The following MAGT1 variants were observed in gnomAD, a reference collection of about 807,000 sequenced individuals.
MAGT1 encodes magnesium transporter 1.
In MAGT1, 4 loss-of-function variants were observed where a neutral mutation model predicts 28.4. That is an observed-to-expected ratio of 0.14 (90% CI 0.07 to 0.32). The LOEUF is 0.32. Ranked by LOEUF, MAGT1 falls within the 10% of genes least tolerant of loss-of-function variation. The pLI, the probability that MAGT1 is intolerant of heterozygous loss-of-function variation, is 1.00. For synonymous variants in MAGT1, 89 were observed against 89.7 expected (o/e 0.99, Z 0.04); for missense variants, 193 against 264.5 (o/e 0.73, Z 1.88).
chrX:77,894,134 G>A (rs1441756982), intron 1 of MAGT1, among the ~76,000 whole-genome samples: 2 of 111,668 alleles, frequency 1.8e-5, no homozygotes, highest in East Asian at 2.8e-4. Context: ...ATAAAATTAT[G>A]CATTGCTCTG....
At chrX:77,843,712 T>A (rs1293818341) in intron 7 of MAGT1, among the ~76,000 whole-genome samples, 2 of 111,769 alleles carry the variant, frequency 1.8e-5, no homozygotes, top group East Asian at 5.6e-4. Context: ...TACTTTAAGT[T>A]TTAGGGTACA....
At chrX:77,852,778 T>C (rs782507093) in intron 7 of MAGT1, among the ~76,000 whole-genome samples, 115 of 110,209 alleles carry the variant, frequency 1.0e-3, no homozygotes, top group Non-Finnish European at 8.7e-4. Context: ...TGTATTTTTT[T>C]GTAGAGATGG....
intron 1 of MAGT1, among the ~76,000 whole-genome samples, chrX:77,887,362 T>C (rs1282348966): frequency 3.6e-5 from 4 of 111,891 alleles, no homozygotes; most frequent in African/African-American, 1.3e-4. Context: ...CTTCCCAAAG[T>C]GTTGGGATTA....
chrX:77,842,325 T>C (rs1284999787), intron 7 of MAGT1, among the ~76,000 whole-genome samples: 1 of 108,972 alleles, frequency 9.2e-6, no homozygotes, highest in East Asian at 2.9e-4. Flanking sequence ...GCCTGGAAGG[T>C]TGAGGCTGCA....
chrX:77,844,020 T>C lies in MAGT1; in HGVS notation c.827-2700A>G, dbSNP rs181292151. ...TTGATTGGAATAGTTTCAGAAGGAA[T>C]GGTACCAGCTCCTCCTTGTACCTCT... On this transcript the variant is annotated intron_variant, in intron 7 of 9. Transcript: ENST00000618282. Among the ~76,000 whole-genome samples, 265 of 111,850 alleles carry C rather than the reference T, an allele frequency of 2.4e-3. 2 individuals carry two copies. Among genetic ancestry groups the C allele is most frequent in the African/African-American group, 8.1e-3 (251 of 30,816 alleles).
intron 1 of MAGT1, among the ~76,000 whole-genome samples, chrX:77,882,162 C>T (rs1557218529): frequency 8.9e-6 from 1 of 111,806 alleles, no homozygotes; most frequent in Non-Finnish European, 1.9e-5. Context: ...ATAATAAGAG[C>T]TATTTATGAC....
rs1557214770 is a variant in MAGT1 at position 77,845,122 on chromosome X, G to GCATATGAATA, written c.827-3803_827-3802insTATTCATATG. 1.5e-4 allele frequency among the ~76,000 whole-genome samples: 17 copies of GCATATGAATA among 111,386 alleles called. No individual in the cohort carries two copies. The Admixed American group carries it at 1.6e-3, about 11-fold the overall frequency. On this transcript the variant is annotated intron_variant, in intron 7 of 9. Transcript: ENST00000618282. ...CTAAGGACTCGCTTTATGAATCTGG[G>GCATATGAATA]TGCTCCTGTATTGGGTGCATATATA...
chrX:77,887,871 G>A lies in MAGT1; in HGVS notation c.102+7438C>T, dbSNP rs369816479. Among the ~76,000 whole-genome samples the A allele has an allele frequency of 1.4e-4, 16 of 112,052 alleles. 1 individual carries two copies. The South Asian group carries it at 3.7e-3, about 26-fold the overall frequency. On this transcript the variant is annotated intron_variant, in intron 1 of 9. Coordinates refer to ENST00000618282, the MANE Select transcript of MAGT1 (RefSeq NM_001367916.1). ...CACCCAGGCTGGAGTGCAGTGGCAC[G>A]ATCTTGGCTCACTGCAACTTCTGCT...
chrX:77,877,534 C>T (rs1030479075), intron 1 of MAGT1, among the ~76,000 whole-genome samples: 11 of 108,942 alleles, frequency 1.0e-4, no homozygotes, highest in Non-Finnish European at 1.7e-4. Context: ...CTCTCTGGGC[C>T]GGGTGCGGTG....
chrX:77,851,065 G>T (rs2076966431), intron 7 of MAGT1, among the ~76,000 whole-genome samples: 1 of 107,506 alleles, frequency 9.3e-6, no homozygotes, highest in Non-Finnish European at 1.9e-5. Flanking sequence ...CCACCTCCTG[G>T]GTTCAAGCAA....
chrX:77,875,376 T>C, intron 2 of MAGT1, 52 bp downstream of exon 2: 4 of 1,150,492 alleles, frequency 3.5e-6, no homozygotes, highest in Non-Finnish European at 4.8e-6. Context: ...GATTGAGAAA[T>C]GGTTAACGTT....
intron 7 of MAGT1, among the ~76,000 whole-genome samples, chrX:77,846,984 G>A (rs2076953497): frequency 8.9e-6 from 1 of 111,982 alleles, no homozygotes; most frequent in Non-Finnish European, 1.9e-5. Context: ...ATTTAAGTCT[G>A]CAGAGGTTTC....
At chrX:77,870,764 T>C (rs2077018574) in intron 3 of MAGT1, 44 bp downstream of exon 3, 1 of 873,103 alleles carries the variant, frequency 1.1e-6, no homozygotes, top group Non-Finnish European at 1.7e-6. Context: ...ACTTTCACTA[T>C]ATTTTACCTA....
chrX:77,894,337 T>G (rs1381082379), intron 1 of MAGT1, among the ~76,000 whole-genome samples: 1 of 112,347 alleles, frequency 8.9e-6, no homozygotes, highest in Non-Finnish European at 1.9e-5. Context: ...ATGGAATAGT[T>G]CAAATACTTA....
At chrX:77,875,114 C>T (rs996066621) in intron 2 of MAGT1, among the ~76,000 whole-genome samples, 2 of 110,194 alleles carry the variant, frequency 1.8e-5, no homozygotes, top group East Asian at 2.8e-4. Flanking sequence ...CCACCTGCCT[C>T]GACCTCCCAA....
At chrX:77,829,396 A>G (rs782185501) in intron 9 of MAGT1, among the ~76,000 whole-genome samples, 161 bp from the exon 10 acceptor site, 2 of 112,598 alleles carry the variant, frequency 1.8e-5, no homozygotes, top group East Asian at 5.5e-4. Context: ...ACACTGAGAG[A>G]CCCGTTAGTC....
At chrX:77,886,015 G>T (rs2077067174) in intron 1 of MAGT1, among the ~76,000 whole-genome samples, 1 of 110,816 alleles carries the variant, frequency 9.0e-6, no homozygotes, top group African/African-American at 3.3e-5. Context: ...TAGAGATAGG[G>T]TTTTGCTATG....
intron 7 of MAGT1, among the ~76,000 whole-genome samples, chrX:77,847,831 C>T (rs185928970): frequency 1.4e-3 from 156 of 110,281 alleles, no homozygotes; most frequent in African/African-American, 4.6e-3. Flanking sequence ...AGGCTGGTCT[C>T]GAACTCCTGA....
intron 5 of MAGT1, among the ~76,000 whole-genome samples, 186 bp from the exon 6 acceptor site, chrX:77,855,776 ATTTT>A (rs375126195): frequency 9.6e-6 from 1 of 104,446 alleles, no homozygotes; most frequent in African/African-American, 3.5e-5. Context: ...GGAAAACACT[ATTTT>A]TTTTTTTTGA....
Sources: allele counts gnomAD v4.1 joint callset (sites outside exome capture counted in the v4.1 genomes callset), GRCh38; gene constraint gnomAD v4.1.1; transcripts MANE v1.5; gene names NCBI Gene and HGNC (gene_info 2026-07-23, HGNC 2026-07-21).